LEF1: variants seen among roughly 807,000 people sequenced by gnomAD.
The protein encoded by LEF1 is lymphoid enhancer-binding factor 1.
In LEF1, 14 loss-of-function variants were observed where a neutral mutation model predicts 51.2. That is an observed-to-expected ratio of 0.27 (90% CI 0.18 to 0.43). LEF1 has a LOEUF of 0.43. Ranked by LOEUF, LEF1 falls within the 20% of genes least tolerant of loss-of-function variation. The pLI is 1.00. For synonymous variants in LEF1, 185 were observed against 183.2 expected (o/e 1.01, Z -0.08); for missense variants, 386 against 512.0 (o/e 0.75, Z 2.37).
intron 3 of LEF1, among the ~76,000 whole-genome samples, chr4:108,144,865 CAAAAAAAAAA>C (rs11394687): frequency 4.8e-5 from 2 of 41,912 alleles, no homozygotes; most frequent in Admixed American, 4.8e-4. Context: ...CCCAACCAGC[CAAAAAAAAAA>C]AAAAAAAAAA....
intron 3 of LEF1, among the ~76,000 whole-genome samples, chr4:108,130,362 T>C (rs1258987414): frequency 4.6e-5 from 7 of 152,168 alleles, no homozygotes; most frequent in Non-Finnish European, 7.4e-5. Context: ...TTATGTTACT[T>C]GCCAGTCCTA....
chr4:108,099,568 GTGTATATATATATATATATA>G lies in LEF1; in HGVS notation c.415-10331_415-10312del, dbSNP rs1177509563. 1.9e-4 allele frequency among the ~76,000 whole-genome samples: 9 copies of G among 48,176 alleles called. 1 individual carries two copies. Among genetic ancestry groups the G allele is most frequent in the Non-Finnish European group, 2.6e-4 (6 of 22,780 alleles). The allele number at this position is 48,176 out of a possible 152,430, so 31.6% of individuals were successfully genotyped here. ...TGTGTGTGTGTGTATGTGTGTGTGT[GTGTATATATATATATATATA>G]TATATATATATATATATATATATAT... On this transcript the variant is annotated intron_variant, in intron 3 of 11. Transcript: ENST00000265165.
chr4:108,121,169 C>T (rs934710164), intron 3 of LEF1, among the ~76,000 whole-genome samples: 2 of 152,210 alleles, frequency 1.3e-5, no homozygotes, highest in Non-Finnish European at 2.9e-5. Flanking sequence ...TTAAGTGACA[C>T]TAGCATTTTT....
At chr4:108,056,701 A>C (rs1236846500) in intron 11 of LEF1, among the ~76,000 whole-genome samples, 3 of 152,192 alleles carry the variant, frequency 2.0e-5, no homozygotes, top group Non-Finnish European at 4.4e-5. Context: ...GAAGGAAGAC[A>C]CAGGTAGGCC....
chr4:108,073,118 G>A (rs1414762929), intron 8 of LEF1, among the ~76,000 whole-genome samples: 1 of 152,216 alleles, frequency 6.6e-6, no homozygotes, highest in African/African-American at 2.4e-5. Flanking sequence ...GGGTGCAGTG[G>A]CTCATGCCTA....
chr4:108,165,660 T>C (rs1428020991), intron 1 of LEF1, among the ~76,000 whole-genome samples: 1 of 152,228 alleles, frequency 6.6e-6, no homozygotes, highest in African/African-American at 2.4e-5. Context: ...GCAACTGCCC[T>C]GAGCGCAGTT....
At chr4:108,136,550 G>C (rs886878078) in intron 3 of LEF1, among the ~76,000 whole-genome samples, 1 of 150,524 alleles carries the variant, frequency 6.6e-6, no homozygotes, top group African/African-American at 2.5e-5. Flanking sequence ...CCCAGATCTG[G>C]AAAGTTCAGC....
intron 3 of LEF1, among the ~76,000 whole-genome samples, chr4:108,116,710 G>A (rs954014248): frequency 7.2e-5 from 11 of 152,262 alleles, no homozygotes; most frequent in African/African-American, 2.4e-4. Flanking sequence ...CTGGATTCTG[G>A]GGCCTGGTGA....
intron 11 of LEF1, among the ~76,000 whole-genome samples, chr4:108,056,897 G>A (rs1204125938): frequency 7.0e-6 from 1 of 142,428 alleles, no homozygotes; most frequent in African/African-American, 2.6e-5. Flanking sequence ...ACTGGGCTAG[G>A]CCACTATTCA....
chr4:108,057,282 C>T (rs1193770029), intron 11 of LEF1, among the ~76,000 whole-genome samples: 1 of 152,044 alleles, frequency 6.6e-6, no homozygotes, highest in African/African-American at 2.4e-5. Context: ...CTTCAGCTGC[C>T]TCCAATTTCC....
intron 3 of LEF1, among the ~76,000 whole-genome samples, chr4:108,114,092 T>C (rs1282541479): frequency 3.3e-5 from 5 of 152,192 alleles, no homozygotes; most frequent in African/African-American, 1.2e-4. Flanking sequence ...AGCTATTCTT[T>C]TCATTGCAGA....
intron 3 of LEF1, among the ~76,000 whole-genome samples, chr4:108,133,299 A>G (rs552584391): frequency 4.9e-4 from 75 of 152,340 alleles, no homozygotes; most frequent in African/African-American, 1.5e-3. Flanking sequence ...ACTGGGTTAG[A>G]TCAACCTTAT....
intron 3 of LEF1, among the ~76,000 whole-genome samples, chr4:108,112,155 A>G (rs1741573354): frequency 6.6e-6 from 1 of 152,168 alleles, no homozygotes; most frequent in Non-Finnish European, 1.5e-5. Flanking sequence ...AGGCATTGAT[A>G]CACACTGTGT....
intron 3 of LEF1, among the ~76,000 whole-genome samples, chr4:108,095,360 C>A (rs1012077620): frequency 6.6e-6 from 1 of 152,068 alleles, no homozygotes; most frequent in Non-Finnish European, 1.5e-5. Flanking sequence ...GTATTATTAC[C>A]CCCATATTTA....
chr4:108,166,227 T>C (rs1260214554), intron 1 of LEF1: 11 of 1,530,858 alleles, frequency 7.2e-6, no homozygotes, highest in South Asian at 6.0e-5. Flanking sequence ...AACACCATTC[T>C]GTTCTCTGAA....
At chr4:108,115,609 A>G (rs1388108592) in intron 3 of LEF1, among the ~76,000 whole-genome samples, 1 of 152,220 alleles carries the variant, frequency 6.6e-6, no homozygotes, top group East Asian at 1.9e-4. Context: ...GAGAGAAAGA[A>G]TAAGATAGTT....
intron 4 of LEF1, among the ~76,000 whole-genome samples, chr4:108,086,780 C>A (rs1366792031): frequency 6.7e-6 from 1 of 149,266 alleles, no homozygotes; most frequent in East Asian, 2.0e-4. Flanking sequence ...TTACCAGACA[C>A]ATAATGAGAA....
chr4:108,049,657 C>G (rs1309873283), intron 11 of LEF1, among the ~76,000 whole-genome samples: 1 of 152,194 alleles, frequency 6.6e-6, no homozygotes, highest in Non-Finnish European at 1.5e-5. Context: ...TTGACAGCCT[C>G]AGATGAATCC....
chr4:108,090,143 A>AT (rs528970901), intron 3 of LEF1, among the ~76,000 whole-genome samples: 189 of 151,638 alleles, frequency 1.2e-3, no homozygotes, highest in African/African-American at 4.4e-3. Flanking sequence ...CATTCAGCTA[A>AT]TTTTTTTTGT....
Sources: gnomAD v4.1 joint callset for allele counts (sites outside exome capture counted in the v4.1 genomes callset) on GRCh38, gnomAD v4.1.1 for gene constraint, MANE v1.5 for transcripts, NCBI Gene and HGNC (gene_info 2026-07-23, HGNC 2026-07-21) for gene names.